CFAP46: variants seen among roughly 807,000 people sequenced by gnomAD.
CFAP46 encodes cilia and flagella associated protein 46.
Under a neutral mutation model 325.7 loss-of-function variants are expected in CFAP46, and 245 were observed. That is an observed-to-expected ratio of 0.75 (90% confidence interval 0.68 to 0.84). The LOEUF (loss-of-function observed/expected upper bound fraction) is 0.84, where lower values mean the gene tolerates loss of function less well. CFAP46 is among the 40% of genes least tolerant of loss of function. The probability of loss-of-function intolerance (pLI) is 0.00; values close to 1 mark genes in which losing one functional copy is unlikely to be tolerated. For missense variants in CFAP46, 3,346 were observed against 3,543.0 expected, an observed-to-expected ratio of 0.94 and a Z score of 1.41; for synonymous variants, 1,523 against 1,495.9, an observed-to-expected ratio of 1.02 and a Z score of -0.42.
At chr10:132,879,715 T>C (rs1591068416) in intron 28 of CFAP46, 84 bp from the exon 29 acceptor site, 3 of 1,341,594 alleles carry the variant, frequency 2.2e-6, no homozygotes, top group African/African-American at 3.0e-5. Flanking sequence ...TGCCCGAGGC[T>C]GTGGTGGACT....
rs536582335 is a variant in CFAP46, at chr10:132,811,292, C to T, written c.7502-261G>A. On this transcript the variant is annotated intron_variant, in intron 55 of 57. Transcript: ENST00000368586. Reference sequence around the variant, plus strand: ...CCGGGCAACAGGAAGTGGTGGGAAGCCCACCTGGGCTCCCCCAGCCTCCTC... The same window carrying T: ...CCGGGCAACAGGAAGTGGTGGGAAGTCCACCTGGGCTCCCCCAGCCTCCTC... Among the ~76,000 whole-genome samples, 19 of 152,332 alleles carry T rather than the reference C, an allele frequency of 1.2e-4. No individual in the cohort carries two copies. The East Asian group carries it at 3.5e-3, about 28-fold the overall frequency.
chr10:132,925,349 G>T (rs778787750), intron 10 of CFAP46, among the ~76,000 whole-genome samples: 5 of 152,258 alleles, frequency 3.3e-5, no homozygotes, highest in Admixed American at 6.5e-5. Flanking sequence ...GGGCTCACTT[G>T]GCCACGTCCC....
intron 31 of CFAP46, among the ~76,000 whole-genome samples, chr10:132,874,826 T>C (rs1848938500): frequency 6.6e-6 from 1 of 152,168 alleles, no homozygotes; most frequent in African/African-American, 2.4e-5. Context: ...CAGAGTAAAA[T>C]GCTGGAAACT....
intron 25 of CFAP46, among the ~76,000 whole-genome samples, chr10:132,891,135 A>G (rs1201019535): frequency 6.6e-6 from 1 of 152,234 alleles, no homozygotes; most frequent in Non-Finnish European, 1.5e-5. Context: ...AGCACAGCCT[A>G]GAGGCCAGAC....
chr10:132,872,672 C>A lies in CFAP46; in HGVS notation c.4511+4G>T. The A allele has an allele frequency of 6.4e-7, 1 of 1,550,514 alleles. No homozygotes were observed. Among genetic ancestry groups the A allele is most frequent in the South Asian group, 1.2e-5 (1 of 84,062 alleles). Reference sequence around the variant, plus strand: ...TCACACTCCGAAAAAGGAGCTGTACCCACCGAAGGTGGTAGAGATCCGACA... The same window carrying A: ...TCACACTCCGAAAAAGGAGCTGTACACACCGAAGGTGGTAGAGATCCGACA... On this transcript the variant is annotated splice_donor_region_variant and intron_variant, in intron 32 of 57. Coordinates refer to ENST00000368586, the MANE Select transcript of CFAP46 (RefSeq NM_001200049.3).
chr10:132,846,276 G>A, intron 43 of CFAP46, 49 bp from the exon 44 acceptor site: 1 of 1,588,484 alleles, frequency 6.3e-7, no homozygotes, highest in South Asian at 1.1e-5. Context: ...CCTGGGCGGG[G>A]AGGCCTTGCA....
chr10:132,863,113 G>A (rs1389703452), intron 35 of CFAP46, among the ~76,000 whole-genome samples: 1 of 152,120 alleles, frequency 6.6e-6, no homozygotes, highest in Non-Finnish European at 1.5e-5. Context: ...CTGGGTCTGG[G>A]CTCCAAGGTC....
In CFAP46 at chr10:132,922,242, T is replaced by C; in HGVS notation, c.1486-18A>G. ...TTTTTTGCCTGTGAAAAGCAGAGAC[T>C]GATGAGCAAGGGGCCGCTGGACTTT... On this transcript the variant is annotated intron_variant, in intron 12 of 57. Transcript: ENST00000368586. The C allele has an allele frequency of 6.5e-7, 1 of 1,545,522 alleles. No homozygotes were observed. Among genetic ancestry groups the C allele is most frequent in the Non-Finnish European group, 8.7e-7 (1 of 1,143,410 alleles).
At chr10:132,851,092 G>A (rs553125113) in intron 40 of CFAP46, 25 bp downstream of exon 40, 23 of 1,612,524 alleles carry the variant, frequency 1.4e-5, no homozygotes, top group Middle Eastern at 3.6e-4. Context: ...TCCCTCCACC[G>A]GGAATCTGTG....
intron 7 of CFAP46, among the ~76,000 whole-genome samples, chr10:132,936,402 A>AGCC (rs1850006328): frequency 1.9e-5 from 1 of 53,730 alleles, no homozygotes. Flanking sequence ...CACTCCCCTC[A>AGCC]CATCCAAACA....
chr10:132,937,520 C>G (rs911557033), intron 6 of CFAP46, 32 bp downstream of exon 6: 1 of 1,612,180 alleles, frequency 6.2e-7, no homozygotes, highest in Non-Finnish European at 8.5e-7. Context: ...AAAATTACTT[C>G]TTACGTCTCT....
At position 132,908,437 on chromosome 10, in the gene CFAP46, G is replaced by A. The variant is rs1414325834; in HGVS notation, c.2924+31C>T. Reference sequence around the variant, plus strand: ...GGCCTGCGCTCCCTGCCCGTTTTGAGGGAATTTGTCCAGTCATGAGGGTTA... The same window carrying A: ...GGCCTGCGCTCCCTGCCCGTTTTGAAGGAATTTGTCCAGTCATGAGGGTTA... On this transcript the variant is annotated intron_variant, in intron 22 of 57. Coordinates refer to ENST00000368586, the MANE Select transcript of CFAP46 (RefSeq NM_001200049.3). The A allele has an allele frequency of 1.9e-6, 3 of 1,549,966 alleles. No homozygotes were observed. In the Admixed American group the frequency reaches 5.9e-5, roughly 30 times the overall value.
At chr10:132,835,539 G>A (rs1344713987) in intron 46 of CFAP46, 105 bp from the exon 47 acceptor site, 2 of 1,424,364 alleles carry the variant, frequency 1.4e-6, no homozygotes, top group African/African-American at 2.8e-5. Context: ...CACAGGAAAG[G>A]CTGCATGGAT....
chr10:132,836,959 A>T (rs745840483), intron 44 of CFAP46, 45 bp from the exon 45 acceptor site: 2 of 1,414,402 alleles, frequency 1.4e-6, no homozygotes, highest in Admixed American at 3.3e-5. Flanking sequence ...TTAGGACGCA[A>T]GGACGTCGCT....
intron 6 of CFAP46, 36 bp downstream of exon 6, chr10:132,937,516 A>G: frequency 5.6e-6 from 9 of 1,610,682 alleles, no homozygotes; most frequent in Non-Finnish European, 7.6e-6. Flanking sequence ...TAAGAAAATT[A>G]CTTCTTACGT....
At chr10:132,920,976 T>C (rs1849714059) in intron 13 of CFAP46, among the ~76,000 whole-genome samples, 1 of 152,132 alleles carries the variant, frequency 6.6e-6, no homozygotes, top group African/African-American at 2.4e-5. Flanking sequence ...TCAAACTCAT[T>C]AGGGCAAAAT....
chr10:132,866,601 C>A (rs145279533), intron 34 of CFAP46, among the ~76,000 whole-genome samples: 1,696 of 152,268 alleles, frequency 0.011, 31 homozygotes, highest in South Asian at 0.1. Context: ...GGTGGCTGAG[C>A]CCCTGCACTA....
At chr10:132,913,352 G>C in intron 17 of CFAP46, 94 bp from the exon 18 acceptor site, 1 of 669,936 alleles carries the variant, frequency 1.5e-6, no homozygotes, top group Non-Finnish European at 2.5e-6. Context: ...GAACCAGGCT[G>C]CAGGGCAAGA....
intron 13 of CFAP46, among the ~76,000 whole-genome samples, chr10:132,920,422 A>G (rs1849705773): frequency 1.3e-5 from 2 of 152,180 alleles, no homozygotes; most frequent in African/African-American, 4.8e-5. Flanking sequence ...GGGAGGCTCC[A>G]GGAACTTTGG....
Sources: allele counts gnomAD v4.1 joint callset (sites outside exome capture counted in the v4.1 genomes callset), GRCh38; gene constraint gnomAD v4.1.1; transcripts MANE v1.5; gene names NCBI Gene and HGNC (gene_info 2026-07-23, HGNC 2026-07-21).